MTOR: variants seen among roughly 807,000 people sequenced by gnomAD.
MTOR encodes the protein serine/threonine-protein kinase mTOR.
In MTOR, 70 loss-of-function variants were observed where a neutral mutation model predicts 319.8. That is an observed-to-expected ratio of 0.22 (90% CI 0.18 to 0.27). The LOEUF (loss-of-function observed/expected upper bound fraction) is 0.27. Among genes scored for constraint, MTOR ranks in the 10% least tolerant of loss-of-function variants. The probability of loss-of-function intolerance (pLI) is 1.00; values close to 1 mark genes in which losing one functional copy is unlikely to be tolerated. For synonymous variants in MTOR, 1,183 were observed against 1,211.4 expected, an observed-to-expected ratio of 0.98 and a Z score of 0.49; for missense variants, 1,890 against 3,274.4, an observed-to-expected ratio of 0.58 and a Z score of 10.32.
chr1:11,133,180 C>G lies in MTOR; in HGVS notation c.5264G>C (p.Gly1755Ala). Reference protein sequence around the residue: ...KLMARCFLKLGEWQLNLQGIN... With the variant: ...KLMARCFLKLAEWQLNLQGIN... ...GCCCTGTAGATTCAGCTGCCACTCT[C>G]CAAGTTTCAGGAAGCATCTGGAAGC... Residue 1755 changes from glycine to alanine, a missense_variant, in exon 38 of 58, where the codon GGA becomes GCA. By Grantham distance (60) the Gly-to-Ala change is moderately conservative (BLOSUM62 0). Transcript: ENST00000361445. The surrounding 1 kb of genome is among the most constrained non-coding windows in gnomAD (Gnocchi z 4.0). 5 of 1,614,184 alleles carry G rather than the reference C, an allele frequency of 3.1e-6. No individual in the cohort carries two copies. Among genetic ancestry groups the G allele is most frequent in the Non-Finnish European group, 4.2e-6 (5 of 1,180,014 alleles).
At chr1:11,249,885 C>G (rs1157556649) in intron 6 of MTOR, among the ~76,000 whole-genome samples, 1 of 150,456 alleles carries the variant, frequency 6.6e-6, no homozygotes, top group African/African-American at 2.4e-5. Context: ...CCTTTCTATT[C>G]CACAAAACCG....
chr1:11,242,625 C>T (rs1454383886), intron 9 of MTOR, among the ~76,000 whole-genome samples: 4 of 152,094 alleles, frequency 2.6e-5, no homozygotes, highest in African/African-American at 9.7e-5. Context: ...CTGACCCCCT[C>T]GCCTTAGCGA....
chr1:11,160,186 T>C (rs1464372921), intron 29 of MTOR, among the ~76,000 whole-genome samples: 1 of 152,046 alleles, frequency 6.6e-6, no homozygotes, highest in Non-Finnish European at 1.5e-5. Flanking sequence ...CTGCAACCTC[T>C]GCCTCCCAGG....
chr1:11,133,503 A>AGTT lies in MTOR; in HGVS notation c.5247-309_5247-307dup, dbSNP rs34798259. On this transcript the variant is annotated intron_variant, in intron 37 of 57. Transcript: ENST00000361445. This position sits in a 1 kb window ranked among gnomAD's most constrained non-coding sequence, Gnocchi z 4.0. ...CCAAACCCAATTTTTTGTGGGTGAC[A>AGTT]GTTGAGAGTTACTTCTTTATTGATT... is the stretch of plus-strand genomic sequence containing the variant. 0.99 allele frequency among the ~76,000 whole-genome samples: 150,904 copies of AGTT among 152,272 alleles called. 74,796 individuals are homozygous for AGTT. Among genetic ancestry groups the AGTT allele is most frequent in the East Asian group, 1 (5,170 of 5,170 alleles).
Position 11,112,632 on chromosome 1 carries a change from T to C in MTOR, c.7366+220A>G, listed in dbSNP as rs1010997458. Among the ~76,000 whole-genome samples the C allele has an allele frequency of 5.9e-5, 9 of 152,130 alleles. No individual in the cohort carries two copies. The highest frequency in any genetic ancestry group is 1.4e-4 in the African/African-American group (6 of 41,426). On this transcript the variant is annotated intron_variant, in intron 54 of 57. Coordinates refer to ENST00000361445, the MANE Select transcript of MTOR (RefSeq NM_004958.4). ...CTCCTACTGTCAATAACAAAGCCCATCCCATTCTAGAAACACTCTGGACAA... is the reference window on the plus strand; with the variant it reads ...CTCCTACTGTCAATAACAAAGCCCACCCCATTCTAGAAACACTCTGGACAA...
At chr1:11,187,593 G>A (rs1466568608) in intron 28 of MTOR, among the ~76,000 whole-genome samples, 1 of 152,148 alleles carries the variant, frequency 6.6e-6, no homozygotes, top group African/African-American at 2.4e-5. Context: ...TGCAGCCTGG[G>A]GATTAGGGAC....
At chr1:11,213,156 AG>A (rs1646363901) in intron 21 of MTOR, among the ~76,000 whole-genome samples, 1 of 152,240 alleles carries the variant, frequency 6.6e-6, no homozygotes, top group Non-Finnish European at 1.5e-5. Context: ...AAAGAAAATT[AG>A]TCTGGGATAA....
In MTOR at chr1:11,200,132, T is replaced by A. The variant is rs532925206; in HGVS notation, c.3945-429A>T. On this transcript the variant is annotated intron_variant, in intron 26 of 57. Transcript: ENST00000361445. ...TGGAGGAAATGGGAAATGAACAGTA[T>A]AGGGACTTCTAACATAGAAGTTGGC... 2.0e-5 allele frequency among the ~76,000 whole-genome samples: 3 copies of A among 152,282 alleles called. No individual in the cohort carries two copies. In the South Asian group the frequency reaches 6.2e-4, roughly 32 times the overall value.
intron 29 of MTOR, among the ~76,000 whole-genome samples, chr1:11,165,989 G>T (rs1304535613): frequency 6.6e-6 from 1 of 152,190 alleles, no homozygotes; most frequent in East Asian, 1.9e-4. Context: ...AACAAGCAAT[G>T]GGGGAAGGAT....
intron 28 of MTOR, among the ~76,000 whole-genome samples, chr1:11,187,447 G>T (rs1645357528): frequency 6.6e-6 from 1 of 152,108 alleles, no homozygotes; most frequent in East Asian, 1.9e-4. Flanking sequence ...TCACAACAGG[G>T]TTCACACTCC....
At chr1:11,159,033 G>A (rs958020776) in intron 29 of MTOR, among the ~76,000 whole-genome samples, 1 of 152,154 alleles carries the variant, frequency 6.6e-6, no homozygotes, top group Non-Finnish European at 1.5e-5. Context: ...TGGAGCTAAT[G>A]GCCACCTTTG....
chr1:11,189,828 G>C, intron 28 of MTOR: 1 of 1,614,236 alleles, frequency 6.2e-7, no homozygotes, highest in African/African-American at 1.3e-5. Flanking sequence ...AGGTGATGGA[G>C]CTGGAGAGCA....
chr1:11,240,693 TAA>T, intron 10 of MTOR, 146 bp from the exon 11 acceptor site: 1 of 1,107,082 alleles, frequency 9.0e-7, no homozygotes, highest in Non-Finnish European at 1.2e-6. Context: ...AATAAAAGTG[TAA>T]ACTCTCTTGG....
At chr1:11,151,478 T>A (rs17036416) in intron 30 of MTOR, among the ~76,000 whole-genome samples, 8,964 of 151,920 alleles carry the variant, frequency 0.059, 371 homozygotes, top group South Asian at 0.12. Context: ...TGCTAGGGGT[T>A]CCCTTAGAGC....
chr1:11,173,087 G>C (rs2100637111), intron 28 of MTOR, among the ~76,000 whole-genome samples: 1 of 151,746 alleles, frequency 6.6e-6, no homozygotes, highest in African/African-American at 2.4e-5. Flanking sequence ...TCCGCTTCTT[G>C]GGTTCAAGCA....
At position 11,133,778 on chromosome 1, in the gene MTOR, A is replaced by T. The variant is rs1355406407; in HGVS notation, c.5246+573T>A. On this transcript the variant is annotated intron_variant, in intron 37 of 57. Transcript: ENST00000361445. The surrounding 1 kb of genome is among the most constrained non-coding windows in gnomAD (Gnocchi z 4.0). ...AAGTCAAATATCAAATCTGCAGCACAGAGTGGCACAGTGGCCCACACCTAT... is the reference window on the plus strand; with the variant it reads ...AAGTCAAATATCAAATCTGCAGCACTGAGTGGCACAGTGGCCCACACCTAT... 1.3e-5 allele frequency among the ~76,000 whole-genome samples: 2 copies of T among 152,238 alleles called. No individual in the cohort carries two copies. The highest frequency in any genetic ancestry group is 4.8e-5 in the African/African-American group (2 of 41,466).
rs1642994949 is a variant in MTOR at position 11,129,179 on chromosome 1, A to T, written c.5715-228T>A. On this transcript the variant is annotated intron_variant, in intron 40 of 57. Transcript: ENST00000361445. This position sits in a 1 kb window ranked among gnomAD's most constrained non-coding sequence, Gnocchi z 4.7. The stretch of plus-strand genomic sequence containing the variant: ...ATGAGCATTTCATCCCAGGTCACCG[A>T]GGGGTCACCATGGCATGTATGCAAA... Among the ~76,000 whole-genome samples the T allele has an allele frequency of 6.6e-6, 1 of 152,202 alleles. No homozygotes were observed. Among genetic ancestry groups the T allele is most frequent in the African/African-American group, 2.4e-5 (1 of 41,458 alleles).
At chr1:11,219,475 C>G (rs1646585696) in intron 19 of MTOR, among the ~76,000 whole-genome samples, 1 of 152,122 alleles carries the variant, frequency 6.6e-6, no homozygotes, top group Admixed American at 6.5e-5. Flanking sequence ...AATTAAAGTT[C>G]TCATGGACCA....
chr1:11,128,584 A>C lies in MTOR; in HGVS notation c.5812-32T>G. 1 of 1,586,442 alleles carries C rather than the reference A, an allele frequency of 6.3e-7. No homozygotes were observed. Among genetic ancestry groups the C allele is most frequent in the Non-Finnish European group, 8.7e-7 (1 of 1,155,232 alleles). ...TTCAAAAAGACACAGTATGTAGCAT[A>C]TGAGACTTGAAACAACTAGTTATTC... On this transcript the variant is annotated intron_variant, in intron 41 of 57. Coordinates refer to ENST00000361445, the MANE Select transcript of MTOR (RefSeq NM_004958.4). This position sits in a 1 kb window ranked among gnomAD's most constrained non-coding sequence, Gnocchi z 5.3.
Sources: allele counts gnomAD v4.1 joint callset (sites outside exome capture counted in the v4.1 genomes callset), GRCh38; gene constraint gnomAD v4.1.1; non-coding constraint Gnocchi (gnomAD v3.1); transcripts MANE v1.5; gene names NCBI Gene and HGNC (gene_info 2026-07-23, HGNC 2026-07-21).